MOGS: variants seen among roughly 807,000 people sequenced by gnomAD.
MOGS encodes the protein epididymis secretory sperm binding protein.
In MOGS, 45 loss-of-function variants were observed where a neutral mutation model predicts 68.5. The observed-to-expected ratio is 0.66, with a 90% CI of 0.52 to 0.84. The LOEUF is 0.84. Among genes scored for constraint, MOGS ranks in the 40% least tolerant of loss-of-function variants. The probability of loss-of-function intolerance (pLI) is 0.00; values close to 1 mark genes in which losing one functional copy is unlikely to be tolerated. For missense variants in MOGS, 1,020 were observed against 1,095.0 expected (o/e 0.93, Z 0.97); for synonymous variants, 492 against 461.2 (o/e 1.07, Z -0.86).
rs752324076 is a variant in MOGS at position 74,461,897 on chromosome 2, G to A, written c.1892C>T (p.Ala631Val). ...GCTCTCTGCTGCCTCCAGTGAGGCA[G>A]CCAGTGGGCCCAGCTCAGCAGCTAC... ...AEVAAELGPL[A>V]ASLEAAESLD... Residue 631 changes from alanine (A) to valine (V), a missense_variant, in exon 4 of 4, where the codon GCT (alanine) becomes GTT (valine). Physicochemically the swap from Ala to Val is moderately conservative, Grantham distance 64. Transcript: ENST00000448666. 11 of 1,613,990 alleles carry A rather than the reference G, an allele frequency of 6.8e-6. No homozygotes were observed. Among genetic ancestry groups the A allele is most frequent in the Non-Finnish European group, 9.3e-6 (11 of 1,180,032 alleles).
chr2:74,463,370 G>A lies in MOGS; in HGVS notation c.596C>T (p.Ala199Val). 6.2e-7 allele frequency: 1 copy of A among 1,614,176 alleles called. No homozygotes were observed. Among genetic ancestry groups the A allele is most frequent in the Non-Finnish European group, 8.5e-7 (1 of 1,180,018 alleles). ...GAAGAACAGGGAGACCAAAGGGAGGGCAGAAGTACCTGAGTCCTGAGTGAC... is the reference window on the plus strand; with the variant it reads ...GAAGAACAGGGAGACCAAAGGGAGGACAGAAGTACCTGAGTCCTGAGTGAC... The part of the protein sequence containing the change: ...TVEPQDSGTS[A>V]LPLVSLFFYV... Residue 199 changes from alanine (A) to valine (V), a missense_variant, in exon 3 of 4, where the codon GCC becomes GTC. Around this residue, in one of 3 missense-constraint regions of MOGS, gnomAD observed 569 missense variants for 571.9 expected, o/e 0.99. Coordinates refer to ENST00000448666, the MANE Select transcript of MOGS (RefSeq NM_006302.3).
In MOGS at chr2:74,464,591, G is replaced by T; in HGVS notation, c.484C>A (p.Gln162Lys). The T allele has an allele frequency of 6.2e-7, 1 of 1,614,098 alleles. No individual in the cohort carries two copies. Among genetic ancestry groups the T allele is most frequent in the Non-Finnish European group, 8.5e-7 (1 of 1,180,036 alleles). ...GTGGTGAGCCTTAAGGCCCCATCCT[G>T]GATGTGTTGGCGCCCGAAGGAGAGG... ...DGLSFGRQHI[Q>K]DGALRLTTEF... Residue 162 changes from glutamine to lysine, a missense_variant, in exon 2 of 4, where the codon CAG (glutamine) becomes AAG (lysine). This residue lies in a region of MOGS where 569 missense variants were observed against 571.9 expected (regional missense o/e 0.99). Transcript: ENST00000448666.
intron 2 of MOGS, 152 bp from the exon 3 acceptor site, chr2:74,463,538 T>C (rs1671987981): frequency 2.5e-6 from 2 of 790,180 alleles, no homozygotes; most frequent in East Asian, 5.4e-5. Flanking sequence ...TCACTGAGGG[T>C]AACCAGGTAC....
In MOGS at chr2:74,462,495, C is replaced by G. The variant is rs552488837; in HGVS notation, c.1294G>C (p.Val432Leu). 1.1e-4 allele frequency: 180 copies of G among 1,608,296 alleles called. 2 individuals carry two copies. The South Asian group carries it at 1.9e-3, about 17-fold the overall frequency. The change falls in exon 4 of 4, where the codon GTA (valine) becomes CTA (leucine). Residue 432 changes from valine (V) to leucine (L), a missense_variant. Physicochemically the swap from Val to Leu is conservative, Grantham distance 32. Transcript: ENST00000448666. ...QKVDPALFPP[V>L]PLFTAVPSRS... ...GAGGGCACTGCTGTAAAAAGAGGTA[C>G]GGGTGGAAAGAGGGCTGGGTCCACC...
Position 74,461,584 on chromosome 2 carries a change from G to A in MOGS, c.2205C>T (p.Ser735=), listed in dbSNP as rs766580928. 1.9e-6 allele frequency: 3 copies of A among 1,613,994 alleles called. No individual in the cohort carries two copies. The highest frequency in any genetic ancestry group is 1.1e-5 in the South Asian group (1 of 91,076). ...PFGLRSLAAS[S]SFYGQRNSEH... Reference sequence around the variant, plus strand: ...CTGAATTGCGCTGGCCATAAAAGGAGCTGGAGGCTGCAAGGGAGCGTAAAC... The same window carrying A: ...CTGAATTGCGCTGGCCATAAAAGGAACTGGAGGCTGCAAGGGAGCGTAAAC... The change falls in exon 4 of 4, where the codon AGC becomes AGT. Residue 735 remains serine (S), a synonymous_variant. Transcript: ENST00000448666.
Position 74,462,231 on chromosome 2 carries a change from C to G in MOGS, c.1558G>C (p.Ala520Pro). Residue 520 changes from alanine to proline, a missense_variant, in exon 4 of 4, where the codon GCC becomes CCC. Physicochemically the swap from Ala to Pro is conservative, Grantham distance 27. Around this residue, in one of 3 missense-constraint regions of MOGS, gnomAD observed 181 missense variants for 261.8 expected, o/e 0.69. Coordinates refer to ENST00000448666, the MANE Select transcript of MOGS (RefSeq NM_006302.3). ...GGGTCACCAACCTCTAGCATATGGG[C>G]TACAGGCAAAAGTAGGGTTGGGGGG... ...ANPPTLLLPV[A>P]HMLEVGDPDD... 1.2e-6 allele frequency: 2 copies of G among 1,614,148 alleles called. No homozygotes were observed. Among genetic ancestry groups the G allele is most frequent in the Non-Finnish European group, 1.7e-6 (2 of 1,180,032 alleles).
chr2:74,464,574 C>T lies in MOGS; in HGVS notation c.501G>A (p.Arg167=). 6.2e-7 allele frequency: 1 copy of T among 1,614,108 alleles called. No homozygotes were observed. Among genetic ancestry groups the T allele is most frequent in the Non-Finnish European group, 8.5e-7 (1 of 1,180,034 alleles). The change falls in exon 2 of 4, where the codon AGG becomes AGA. Residue 167 remains arginine (R), a synonymous_variant. Transcript: ENST00000448666. ...GRQHIQDGAL[R]LTTEFVKRPG... ...GCCTCTTGACGAACTCAGTGGTGAG[C>T]CTTAAGGCCCCATCCTGGATGTGTT...
In MOGS at chr2:74,463,342, A is replaced by G. The variant is rs1671983199; in HGVS notation, c.624T>C (p.Tyr208=). The G allele has an allele frequency of 4.3e-6, 7 of 1,614,202 alleles. No homozygotes were observed. Among genetic ancestry groups the G allele is most frequent in the Middle Eastern group, 1.6e-4 (1 of 6,062 alleles). Residue 208 remains tyrosine (Y), a synonymous_variant, in exon 3 of 4, where the codon TAT becomes TAC. Coordinates refer to ENST00000448666, the MANE Select transcript of MOGS (RefSeq NM_006302.3). The part of the protein sequence containing the change: ...SALPLVSLFF[Y]VVTDGKEVLL... Reference sequence around the variant, plus strand: ...GGACTTCCTTGCCATCTGTCACCACATAGAAGAACAGGGAGACCAAAGGGA... The same window carrying G: ...GGACTTCCTTGCCATCTGTCACCACGTAGAAGAACAGGGAGACCAAAGGGA...
In MOGS at chr2:74,461,909, A is replaced by G. The variant is rs757997140; in HGVS notation, c.1880T>C (p.Leu627Pro). 6 of 1,614,082 alleles carry G rather than the reference A, an allele frequency of 3.7e-6. No homozygotes were observed. Among genetic ancestry groups the G allele is most frequent in the East Asian group, 2.2e-5 (1 of 44,872 alleles). ...CTCCAGTGAGGCAGCCAGTGGGCCC[A>G]GCTCAGCAGCTACCTCAGCCTCACC... is the stretch of plus-strand genomic sequence containing the variant. ...HLGEAEVAAELGPLAASLEAA... is the reference protein window; with the variant it reads ...HLGEAEVAAEPGPLAASLEAA... Residue 627 changes from leucine to proline, a missense_variant, in exon 4 of 4, where the codon CTG (leucine) becomes CCG (proline). By Grantham distance (98) the Leu-to-Pro change is moderately conservative. Around this residue, in one of 3 missense-constraint regions of MOGS, gnomAD observed 181 missense variants for 261.8 expected, o/e 0.69. Transcript: ENST00000448666.
rs552488837 is a variant in MOGS, at chr2:74,462,495, C to T, written c.1294G>A (p.Val432Ile). 20 of 1,608,178 alleles carry T rather than the reference C, an allele frequency of 1.2e-5. No individual in the cohort carries two copies. The highest frequency in any genetic ancestry group is 1.6e-4 in the Middle Eastern group (1 of 6,062). The stretch of plus-strand genomic sequence containing the variant: ...GAGGGCACTGCTGTAAAAAGAGGTA[C>T]GGGTGGAAAGAGGGCTGGGTCCACC... ...QKVDPALFPPVPLFTAVPSRS... is the reference protein window; with the variant it reads ...QKVDPALFPPIPLFTAVPSRS... The change falls in exon 4 of 4, where the codon GTA becomes ATA. Residue 432 changes from valine to isoleucine, a missense_variant. Around this residue, in one of 3 missense-constraint regions of MOGS, gnomAD observed 569 missense variants for 571.9 expected, o/e 0.99. Coordinates refer to ENST00000448666, the MANE Select transcript of MOGS (RefSeq NM_006302.3).
intron 2 of MOGS, among the ~76,000 whole-genome samples, chr2:74,464,229 G>C (rs921316143): frequency 1.7e-4 from 26 of 152,196 alleles, no homozygotes; most frequent in African/African-American, 6.3e-4. Flanking sequence ...AAAGTACTGG[G>C]ATTACAGGCG....
intron 2 of MOGS, 99 bp downstream of exon 2, chr2:74,464,397 A>T: frequency 2.6e-6 from 3 of 1,163,096 alleles, no homozygotes; most frequent in African/African-American, 1.5e-5. Context: ...GGCAGGATTT[A>T]AGCCAGGCAG....
In MOGS at chr2:74,461,964, G is replaced by T. The variant is rs369797433; in HGVS notation, c.1825C>A (p.Arg609Ser). 2 of 1,614,048 alleles carry T rather than the reference G, an allele frequency of 1.2e-6. No homozygotes were observed. The highest frequency in any genetic ancestry group is 1.7e-4 in the Middle Eastern group (1 of 6,060). The change falls in exon 4 of 4, where the codon CGT (arginine) becomes AGT (serine). Residue 609 changes from arginine to serine, a missense_variant. Around this residue, in one of 3 missense-constraint regions of MOGS, gnomAD observed 181 missense variants for 261.8 expected, o/e 0.69. Transcript: ENST00000448666. Reference protein sequence around the residue: ...DLRCWVALGARVLTRLAEHLG... With the variant: ...DLRCWVALGASVLTRLAEHLG... Reference sequence around the variant, plus strand: ...TGCTCTGCCAGCCGCGTCAGCACACGGGCACCCAGTGCCACCCAACATCGC... The same window carrying T: ...TGCTCTGCCAGCCGCGTCAGCACACTGGCACCCAGTGCCACCCAACATCGC...
rs1671909803 is a variant in MOGS at position 74,461,712 on chromosome 2, T to G, written c.2077A>C (p.Ser693Arg). 6.2e-7 allele frequency: 1 copy of G among 1,614,092 alleles called. No individual in the cohort carries two copies. Among genetic ancestry groups the G allele is most frequent in the African/African-American group, 1.3e-5 (1 of 74,914 alleles). The change falls in exon 4 of 4, where the codon AGT (serine) becomes CGT (arginine). Residue 693 changes from serine (S) to arginine (R), a missense_variant. Around this residue, in one of 3 missense-constraint regions of MOGS, gnomAD observed 270 missense variants for 261.3 expected, o/e 1.03. Transcript: ENST00000448666. ...AGTCGCAGCAGCAAGGGAAAAAGACTGACATAGCCAAGAGCATCTACATAC... is the reference window on the plus strand; with the variant it reads ...AGTCGCAGCAGCAAGGGAAAAAGACGGACATAGCCAAGAGCATCTACATAC... ...LQYVDALGYVSLFPLLLRLLD... is the reference protein window; with the variant it reads ...LQYVDALGYVRLFPLLLRLLD...
chr2:74,461,437 G>A lies in MOGS; in HGVS notation c.2352C>T (p.His784=), dbSNP rs371877226. 9 of 1,614,116 alleles carry A rather than the reference G, an allele frequency of 5.6e-6. No homozygotes were observed. The highest frequency in any genetic ancestry group is 5.0e-5 in the Admixed American group (3 of 60,016). The change falls in exon 4 of 4, where the codon CAC becomes CAT. Residue 784 remains histidine, a synonymous_variant. Coordinates refer to ENST00000448666, the MANE Select transcript of MOGS (RefSeq NM_006302.3). ...GPHQARAAKL[H]GELRANVVGN... ...CTACCACGTTGGCACGGAGCTCACC[G>A]TGGAGTTTGGCAGCCCGAGCCTGGT... is the stretch of plus-strand genomic sequence containing the variant.
At position 74,462,380 on chromosome 2, in the gene MOGS, G is replaced by T. The variant is rs1342215312; in HGVS notation, c.1409C>A (p.Ala470Asp). 5.6e-6 allele frequency: 9 copies of T among 1,613,988 alleles called. No individual in the cohort carries two copies. The highest frequency in any genetic ancestry group is 2.7e-5 in the African/African-American group (2 of 74,934). Residue 470 changes from alanine to aspartate, a missense_variant, in exon 4 of 4, where the codon GCC becomes GAC. Physicochemically the swap from Ala to Asp is moderately radical, Grantham distance 126. Transcript: ENST00000448666. ...QRWDPSLTREALGHWLGLLNA... is the reference protein window; with the variant it reads ...QRWDPSLTREDLGHWLGLLNA... ...TAGCAGCCCCAGCCAGTGGCCAAGG[G>T]CTTCCCGGGTGAGGGAGGGATCCCA... is the stretch of plus-strand genomic sequence containing the variant.
In MOGS at chr2:74,462,556, TACCA is replaced by T; in HGVS notation, c.1229_1232del (p.Leu410HisfsTer68). ...ACCCTTCCACCCCGATGTCTGGCAA[TACCA>T]GCCCTTGTCCGTAGAAGTAGCCAAT... is the stretch of plus-strand genomic sequence containing the variant. On this transcript the variant is annotated frameshift_variant, in exon 4 of 4. Coordinates refer to ENST00000448666, the MANE Select transcript of MOGS (RefSeq NM_006302.3). LOFTEE classifies it high-confidence loss of function. The T allele has an allele frequency of 6.2e-7, 1 of 1,612,262 alleles. No homozygotes were observed. The highest frequency in any genetic ancestry group is 8.5e-7 in the Non-Finnish European group (1 of 1,178,752).
Position 74,461,436 on chromosome 2 carries a change from C to T in MOGS, c.2353G>A (p.Gly785Ser), listed in dbSNP as rs35533773. 14,072 of 1,614,216 alleles carry T rather than the reference C, an allele frequency of 8.7e-3. 153 individuals carry two copies. The highest frequency in any genetic ancestry group is 0.048 in the African/African-American group (3,587 of 75,054). The change falls in exon 4 of 4, where the codon GGT becomes AGT. Residue 785 changes from glycine (G) to serine (S), a missense_variant. Physicochemically the swap from Gly to Ser is moderately conservative, Grantham distance 56 (BLOSUM62 0). Transcript: ENST00000448666. The stretch of plus-strand genomic sequence containing the variant: ...CCTACCACGTTGGCACGGAGCTCAC[C>T]GTGGAGTTTGGCAGCCCGAGCCTGG... ...PHQARAAKLH[G>S]ELRANVVGNV...
chr2:74,464,585 C>T lies in MOGS; in HGVS notation c.490G>A (p.Gly164Arg). 6.2e-7 allele frequency: 1 copy of T among 1,614,128 alleles called. No homozygotes were observed. The highest frequency in any genetic ancestry group is 8.5e-7 in the Non-Finnish European group (1 of 1,180,032). Residue 164 changes from glycine to arginine, a missense_variant, in exon 2 of 4, where the codon GGG (glycine) becomes AGG (arginine). Gly to Arg is a moderately radical substitution (Grantham distance 125). This residue lies in a region of MOGS where 569 missense variants were observed against 571.9 expected (regional missense o/e 0.99). Transcript: ENST00000448666. ...LSFGRQHIQD[G>R]ALRLTTEFVK... ...AACTCAGTGGTGAGCCTTAAGGCCCCATCCTGGATGTGTTGGCGCCCGAAG... is the reference window on the plus strand; with the variant it reads ...AACTCAGTGGTGAGCCTTAAGGCCCTATCCTGGATGTGTTGGCGCCCGAAG...
Sources: allele counts gnomAD v4.1 joint callset (sites outside exome capture counted in the v4.1 genomes callset), GRCh38; gene constraint gnomAD v4.1.1; regional missense constraint gnomAD v4.1.1; transcripts MANE v1.5; gene names NCBI Gene and HGNC (gene_info 2026-07-23, HGNC 2026-07-21).